Variants in TRAK2 observed in about 807,000 individuals in gnomAD.
The protein encoded by TRAK2 is trafficking kinesin protein 2, also known as trafficking kinesin-binding protein 2.
A neutral mutation model predicts 104.6 loss-of-function variants in TRAK2; 81 were observed. That is an observed-to-expected ratio of 0.77 (90% CI 0.65 to 0.93). The LOEUF is 0.93. Among genes scored for constraint, TRAK2 ranks in the 40% least tolerant of loss-of-function variants. TRAK2 has a pLI of 0.00. For synonymous variants in TRAK2, 406 were observed against 394.4 expected, an observed-to-expected ratio of 1.03 and a Z score of -0.35; for missense variants, 1,002 against 1,089.0, an observed-to-expected ratio of 0.92 and a Z score of 1.12.
intron 1 of TRAK2, among the ~76,000 whole-genome samples, chr2:201,430,705 C>T (rs1430711116): frequency 6.6e-6 from 1 of 152,098 alleles, no homozygotes. Flanking sequence ...GGGAGTGTCC[C>T]GATTTTCCAG....
intron 1 of TRAK2, among the ~76,000 whole-genome samples, chr2:201,437,780 G>A (rs901859220): frequency 3.9e-5 from 6 of 152,068 alleles, no homozygotes; most frequent in African/African-American, 1.4e-4. Flanking sequence ...CTCTTAGAAC[G>A]CATACTGCTA....
intron 1 of TRAK2, among the ~76,000 whole-genome samples, chr2:201,438,745 T>TC (rs1046563020): frequency 3.3e-5 from 5 of 152,098 alleles, no homozygotes; most frequent in African/African-American, 1.2e-4. Flanking sequence ...AGTAATCCGC[T>TC]CCCCCCAACC....
intron 1 of TRAK2, among the ~76,000 whole-genome samples, chr2:201,444,052 A>C (rs560359985): frequency 6.6e-6 from 1 of 151,862 alleles, no homozygotes; most frequent in African/African-American, 2.4e-5. Flanking sequence ...ACATACAAAA[A>C]TTAGGAGGCA....
intron 7 of TRAK2, among the ~76,000 whole-genome samples, chr2:201,396,353 T>C (rs1342601270): frequency 1.3e-5 from 2 of 152,168 alleles, no homozygotes; most frequent in African/African-American, 2.4e-5. Flanking sequence ...TTCTAAGATA[T>C]CACATTTTGA....
chr2:201,442,091 C>T (rs1050821138), intron 1 of TRAK2, among the ~76,000 whole-genome samples: 5 of 151,670 alleles, frequency 3.3e-5, no homozygotes, highest in South Asian at 2.1e-4. Context: ...TAGTGGAAAG[C>T]GATACGAGCA....
intron 10 of TRAK2, among the ~76,000 whole-genome samples, chr2:201,392,529 T>C (rs555350185): frequency 2.3e-4 from 35 of 152,254 alleles, no homozygotes; most frequent in South Asian, 4.1e-4. Context: ...AAGTTAAAAA[T>C]ATCAGGAGAC....
intron 1 of TRAK2, among the ~76,000 whole-genome samples, chr2:201,446,200 T>G (rs1172198950): frequency 6.6e-6 from 1 of 152,020 alleles, no homozygotes; most frequent in Non-Finnish European, 1.5e-5. Flanking sequence ...TTCTCCATCT[T>G]CCCCAACCAC....
chr2:201,414,134 A>G (rs1951672116), intron 2 of TRAK2, among the ~76,000 whole-genome samples: 1 of 152,102 alleles, frequency 6.6e-6, no homozygotes, highest in Non-Finnish European at 1.5e-5. Context: ...TACTATTTAC[A>G]TCACTACTCT....
At chr2:201,432,818 T>C (rs1022866760) in intron 1 of TRAK2, among the ~76,000 whole-genome samples, 8 of 152,216 alleles carry the variant, frequency 5.3e-5, no homozygotes, top group Admixed American at 3.3e-4. Flanking sequence ...AAAAATGTAA[T>C]TATTTAGTGA....
At chr2:201,416,574 A>C (rs987117975) in intron 2 of TRAK2, among the ~76,000 whole-genome samples, 3 of 152,164 alleles carry the variant, frequency 2.0e-5, no homozygotes, top group African/African-American at 7.2e-5. Flanking sequence ...GTAATACATA[A>C]GCCTTTTATT....
At chr2:201,402,321 T>G (rs1248045476) in intron 3 of TRAK2, among the ~76,000 whole-genome samples, 2 of 152,086 alleles carry the variant, frequency 1.3e-5, no homozygotes, top group Non-Finnish European at 2.9e-5. Flanking sequence ...TATGTTTTAC[T>G]TTTATCTGAG....
At chr2:201,448,723 A>G (rs1951985177) in intron 1 of TRAK2, among the ~76,000 whole-genome samples, 1 of 152,238 alleles carries the variant, frequency 6.6e-6, no homozygotes, top group Non-Finnish European at 1.5e-5. Flanking sequence ...TCAGTGGAGA[A>G]TAACACTTCT....
At chr2:201,410,984 T>C in intron 2 of TRAK2, 1 of 1,502,518 alleles carries the variant, frequency 6.7e-7, no homozygotes. Context: ...GCATGTTGAA[T>C]CCTGAAGTCT....
At chr2:201,384,529 G>A (rs974172606) in intron 14 of TRAK2, among the ~76,000 whole-genome samples, 47 of 152,046 alleles carry the variant, frequency 3.1e-4, no homozygotes, top group Admixed American at 2.9e-3. Context: ...ATCTACTCTA[G>A]TGGTTCTCAA....
chr2:201,390,446 C>T (rs1406195947), intron 10 of TRAK2, among the ~76,000 whole-genome samples: 1 of 149,658 alleles, frequency 6.7e-6, no homozygotes, highest in Non-Finnish European at 1.5e-5. Flanking sequence ...CGCCTGTAGT[C>T]CCAGCTACTC....
At chr2:201,412,620 T>C in intron 2 of TRAK2, 15 of 1,557,698 alleles carry the variant, frequency 9.6e-6, no homozygotes, top group Non-Finnish European at 1.2e-5. Flanking sequence ...GAGGCAAATA[T>C]TCAGGATTTG....
rs1365730307 is a variant in TRAK2 at position 201,389,304 on chromosome 2, C to T, written c.1393G>A (p.Ala465Thr). The T allele has an allele frequency of 1.2e-6, 2 of 1,613,994 alleles. No individual in the cohort carries two copies. Among genetic ancestry groups the T allele is most frequent in the Non-Finnish European group, 1.7e-6 (2 of 1,179,968 alleles). The change falls in exon 12 of 16, where the codon GCA becomes ACA. Residue 465 changes from alanine (A) to threonine (T), a missense_variant. Transcript: ENST00000332624. ...CTGTTATCATCGGATTCCTACCCTG[C>T]AACCTCCTCTGAGCTGCTCCCCTGG... ...LNQGSSSEEV[A>T]GSSQKMGQPG... is the part of the protein sequence containing the mutation.
At position 201,447,735 on chromosome 2, in the gene TRAK2, G is replaced by A. The variant is rs771300259; in HGVS notation, c.-200+3615C>T. 3.0e-4 allele frequency among the ~76,000 whole-genome samples: 45 copies of A among 152,240 alleles called. No individual in the cohort carries two copies. Among genetic ancestry groups the A allele is most frequent in the Non-Finnish European group, 5.0e-4 (34 of 68,016 alleles). On this transcript the variant is annotated intron_variant, in intron 1 of 15. Coordinates refer to ENST00000332624, the MANE Select transcript of TRAK2 (RefSeq NM_015049.3). This position sits in a 1 kb window ranked among gnomAD's most constrained non-coding sequence, Gnocchi z 4.1. The stretch of plus-strand genomic sequence containing the variant: ...AAATACAGTCACATTCTGAGGTTAC[G>A]GCTGTTAGGGCTTCAATATAATTTT...
chr2:201,413,136 T>C, intron 2 of TRAK2: 1 of 1,379,970 alleles, frequency 7.2e-7, no homozygotes. Context: ...CAGCCACTGC[T>C]TTGTTGACTT....
Sources: allele counts gnomAD v4.1 joint callset (sites outside exome capture counted in the v4.1 genomes callset), GRCh38; gene constraint gnomAD v4.1.1; non-coding constraint Gnocchi (gnomAD v3.1); transcripts MANE v1.5; gene names NCBI Gene and HGNC (gene_info 2026-07-23, HGNC 2026-07-21).